ATP1A1: variants seen among roughly 807,000 people sequenced by gnomAD.
The protein encoded by ATP1A1 is ATPase Na+/K+ transporting subunit alpha 1.
ATP1A1 carries 14 observed loss-of-function variants against 114.8 expected under a neutral mutation model. The observed-to-expected ratio is 0.12, with a 90% confidence interval of 0.08 to 0.19. The LOEUF (loss-of-function observed/expected upper bound fraction) is 0.19. Ranked by LOEUF, ATP1A1 falls within the 10% of genes least tolerant of loss-of-function variation. The pLI, the probability that ATP1A1 is intolerant of heterozygous loss-of-function variation, is 1.00. For missense variants in ATP1A1, 524 were observed against 1,290.7 expected (o/e 0.41, Z 9.10); for synonymous variants, 471 against 466.3 (o/e 1.01, Z -0.13).
At chr1:116,377,755 A>G (rs1651466425) in intron 1 of ATP1A1, among the ~76,000 whole-genome samples, 1 of 152,198 alleles carries the variant, frequency 6.6e-6, no homozygotes, top group Non-Finnish European at 1.5e-5. Context: ...AAGAAACCCG[A>G]GTGTCAGATC....
intron 1 of ATP1A1, among the ~76,000 whole-genome samples, chr1:116,379,466 C>T (rs892239998): frequency 6.6e-6 from 1 of 152,184 alleles, no homozygotes; most frequent in Admixed American, 6.5e-5. Context: ...CAACCCCGGC[C>T]ATCCCTTAGC....
In ATP1A1 at chr1:116,395,180, T is replaced by C. The variant is rs1652805583; in HGVS notation, c.1731T>C (p.Asn577=). The C allele has an allele frequency of 6.2e-7, 1 of 1,614,190 alleles. No individual in the cohort carries two copies. ...EGFQFDTDDV[N]FPIDNLCFVG... is the part of the protein sequence containing the mutation. Reference sequence around the variant, plus strand: ...TCCAGTTTGACACTGACGATGTGAATTTCCCTATCGATAATCTGTGCTTTG... The same window carrying C: ...TCCAGTTTGACACTGACGATGTGAACTTCCCTATCGATAATCTGTGCTTTG... Residue 577 remains asparagine, a synonymous_variant, in exon 13 of 23, where the codon AAT becomes AAC. Transcript: ENST00000295598. This position sits in a 1 kb window ranked among gnomAD's most constrained non-coding sequence, Gnocchi z 6.4.
chr1:116,384,739 T>C lies in ATP1A1; in HGVS notation c.124-44T>C, dbSNP rs1188602466. On this transcript the variant is annotated intron_variant, in intron 2 of 22. Coordinates refer to ENST00000295598, the MANE Select transcript of ATP1A1 (RefSeq NM_000701.8). This position sits in a 1 kb window ranked among gnomAD's most constrained non-coding sequence, Gnocchi z 5.1. ...TGCTATTTTTTCTGTCATTTTTTTA[T>C]ACTACACTGTTTAACTATTTTCTTT... 9.9e-6 allele frequency: 15 copies of C among 1,509,458 alleles called. No homozygotes were observed. The highest frequency in any genetic ancestry group is 1.4e-5 in the Non-Finnish European group (15 of 1,101,848). 93.5% of individuals were successfully genotyped at this position (1,509,458 alleles called of 1,614,324 possible). A position where few individuals can be genotyped will look rare whatever the true frequency, so the allele number is the denominator to read the frequency against.
At position 116,399,777 on chromosome 1, in the gene ATP1A1, C is replaced by T. The variant is rs1340537861; in HGVS notation, c.2572+234C>T. Among the ~76,000 whole-genome samples, 6 of 152,186 alleles carry T rather than the reference C, an allele frequency of 3.9e-5. No individual in the cohort carries two copies. The highest frequency in any genetic ancestry group is 7.2e-5 in the African/African-American group (3 of 41,442). On this transcript the variant is annotated intron_variant, in intron 18 of 22. Coordinates refer to ENST00000295598, the MANE Select transcript of ATP1A1 (RefSeq NM_000701.8). The surrounding 1 kb of genome is among the most constrained non-coding windows in gnomAD (Gnocchi z 5.0). ...GGAAACTGGTTTTCTATACTGAGCA[C>T]CTTGGAACTGGGCTCAACTCTGCCT...
At position 116,380,930 on chromosome 1, in the gene ATP1A1, A is replaced by G. The variant is rs559076347; in HGVS notation, c.13-3084A>G. On this transcript the variant is annotated intron_variant, in intron 1 of 22. Transcript: ENST00000295598. The stretch of plus-strand genomic sequence containing the variant: ...CTTCCTAAATTAGAATGGAAGGGGG[A>G]AAAAAAAAAACCATAACCCAACTTC... Among the ~76,000 whole-genome samples, 535 of 142,962 alleles carry G rather than the reference A, an allele frequency of 3.7e-3. 2 individuals carry two copies. Among genetic ancestry groups the G allele is most frequent in the African/African-American group, 0.012 (488 of 39,224 alleles). 93.8% of individuals were successfully genotyped at this position (142,962 alleles called of 152,430 possible).
At chr1:116,373,552 G>C (rs780455493) in intron 1 of ATP1A1, 29 bp downstream of exon 1, 2 of 1,437,086 alleles carry the variant, frequency 1.4e-6, no homozygotes, top group Non-Finnish European at 1.8e-6. Context: ...CGGGGAGGGG[G>C]CTCGGGGAGC....
intron 8 of ATP1A1, 26 bp from the exon 9 acceptor site, chr1:116,390,187 G>A (rs1557785971): frequency 6.2e-6 from 10 of 1,607,806 alleles, no homozygotes; most frequent in Non-Finnish European, 8.5e-6. Flanking sequence ...GTTGAGTGAA[G>A]TAATAATCTT....
Position 116,388,709 on chromosome 1 carries a change from G to A in ATP1A1, c.573G>A (p.Val191=), listed in dbSNP as rs771388181. The A allele has an allele frequency of 4.3e-6, 7 of 1,614,062 alleles. No individual in the cohort carries two copies. The highest frequency in any genetic ancestry group is 3.3e-5 in the Admixed American group (2 of 60,002). Residue 191 remains valine (V), a synonymous_variant, in exon 6 of 23, where the codon GTG becomes GTA. Coordinates refer to ENST00000295598, the MANE Select transcript of ATP1A1 (RefSeq NM_000701.8). This position sits in a 1 kb window ranked among gnomAD's most constrained non-coding sequence, Gnocchi z 5.6. ...AGGAAGTTGTGGTTGGGGATCTGGTGGAAGTAAAAGGAGGAGACCGAATTC... is the reference window on the plus strand; with the variant it reads ...AGGAAGTTGTGGTTGGGGATCTGGTAGAAGTAAAAGGAGGAGACCGAATTC... ...NAEEVVVGDL[V]EVKGGDRIPA...
Position 116,398,772 on chromosome 1 carries a change from T to C in ATP1A1, c.2276T>C (p.Val759Ala). The C allele has an allele frequency of 6.2e-7, 1 of 1,614,162 alleles. No homozygotes were observed. The highest frequency in any genetic ancestry group is 8.5e-7 in the Non-Finnish European group (1 of 1,180,008). ...ILLDDNFASI[V>A]TGVEEGRLIF... ...CTGGATGACAACTTTGCCTCAATTG[T>C]GACTGGAGTAGAGGAAGGTGAGAGC... The change falls in exon 16 of 23, where the codon GTG (valine) becomes GCG (alanine). Residue 759 changes from valine (V) to alanine (A), a missense_variant. Coordinates refer to ENST00000295598, the MANE Select transcript of ATP1A1 (RefSeq NM_000701.8). This position sits in a 1 kb window ranked among gnomAD's most constrained non-coding sequence, Gnocchi z 6.1.
intron 1 of ATP1A1, among the ~76,000 whole-genome samples, chr1:116,376,224 C>A (rs190830205): frequency 6.6e-6 from 1 of 152,138 alleles, no homozygotes; most frequent in Non-Finnish European, 1.5e-5. Context: ...AAAAATAAAT[C>A]ATAGCTTATG....
At position 116,399,116 on chromosome 1, in the gene ATP1A1, A is replaced by AGTGAGGT. The variant is rs1653210001; in HGVS notation, c.2448+38_2448+44dup. ...GTCACAACAGTCACAGATCGATAGT[A>AGTGAGGT]GTGAGGTGTGAGCTGTGTCTTCATT... is the stretch of plus-strand genomic sequence containing the variant. On this transcript the variant is annotated intron_variant, in intron 17 of 22. Coordinates refer to ENST00000295598, the MANE Select transcript of ATP1A1 (RefSeq NM_000701.8). The surrounding 1 kb of genome is among the most constrained non-coding windows in gnomAD (Gnocchi z 5.0). 2 of 1,613,502 alleles carry AGTGAGGT rather than the reference A, an allele frequency of 1.2e-6. No individual in the cohort carries two copies. Among genetic ancestry groups the AGTGAGGT allele is most frequent in the African/African-American group, 1.3e-5 (1 of 74,912 alleles).
chr1:116,403,788 C>T, intron 21 of ATP1A1, 96 bp from the exon 22 acceptor site: 2 of 1,076,902 alleles, frequency 1.9e-6, no homozygotes, highest in Admixed American at 2.1e-5. Flanking sequence ...TCCTTTCAGG[C>T]TGATTATTTC....
Position 116,390,423 on chromosome 1 carries a change from G to T in ATP1A1, c.1222+12G>T, listed in dbSNP as rs1652361958. ...AGAGAATCAGAGTGGTAAGGCCAGG[G>T]TTACCACACACCTCAGCCACCTGCT... On this transcript the variant is annotated intron_variant, in intron 9 of 22. Coordinates refer to ENST00000295598, the MANE Select transcript of ATP1A1 (RefSeq NM_000701.8). 6.2e-7 allele frequency: 1 copy of T among 1,611,182 alleles called. No homozygotes were observed. Among genetic ancestry groups the T allele is most frequent in the African/African-American group, 1.3e-5 (1 of 74,670 alleles).
chr1:116,393,748 G>C lies in ATP1A1; in HGVS notation c.1660+25G>C. ...GGTATGCAGATAACCTGGTAACAGAGTGCCTGGGCACGTTTTTATCCAGTA... is the reference window on the plus strand; with the variant it reads ...GGTATGCAGATAACCTGGTAACAGACTGCCTGGGCACGTTTTTATCCAGTA... On this transcript the variant is annotated intron_variant, in intron 12 of 22. Transcript: ENST00000295598. This position sits in a 1 kb window ranked among gnomAD's most constrained non-coding sequence, Gnocchi z 5.0. The C allele has an allele frequency of 6.2e-7, 1 of 1,602,496 alleles. No individual in the cohort carries two copies. Among genetic ancestry groups the C allele is most frequent in the Non-Finnish European group, 8.5e-7 (1 of 1,174,258 alleles).
Position 116,381,854 on chromosome 1 carries a change from C to A in ATP1A1, c.13-2160C>A, listed in dbSNP as rs1651763207. ...ATATATTTCAATGATATTCAACTTGCTCAGAGAGAATCCGTGAGCTGTATT... is the reference window on the plus strand; with the variant it reads ...ATATATTTCAATGATATTCAACTTGATCAGAGAGAATCCGTGAGCTGTATT... On this transcript the variant is annotated intron_variant, in intron 1 of 22. Coordinates refer to ENST00000295598, the MANE Select transcript of ATP1A1 (RefSeq NM_000701.8). The surrounding 1 kb of genome is among the most constrained non-coding windows in gnomAD (Gnocchi z 5.1). Among the ~76,000 whole-genome samples the A allele has an allele frequency of 1.3e-5, 2 of 152,162 alleles. No individual in the cohort carries two copies. The highest frequency in any genetic ancestry group is 2.1e-4 in the South Asian group (1 of 4,830).
At chr1:116,376,047 G>A (rs907180902) in intron 1 of ATP1A1, among the ~76,000 whole-genome samples, 1 of 151,880 alleles carries the variant, frequency 6.6e-6, no homozygotes, top group Admixed American at 6.6e-5. Flanking sequence ...GGCTTAAACC[G>A]TCAGCTAGGC....
Position 116,384,983 on chromosome 1 carries a change from A to G in ATP1A1, c.183+141A>G. ...TCTGCGTATCTACCATGTGACATGC[A>G]CAGAATTTGGGCATTTATATGCTAC... On this transcript the variant is annotated intron_variant, in intron 3 of 22. Transcript: ENST00000295598. This position sits in a 1 kb window ranked among gnomAD's most constrained non-coding sequence, Gnocchi z 5.1. The G allele has an allele frequency of 1.3e-6, 1 of 797,042 alleles. No individual in the cohort carries two copies. Among genetic ancestry groups the G allele is most frequent in the Non-Finnish European group, 2.1e-6 (1 of 485,242 alleles). The allele number at this position is 797,042 out of a possible 1,614,324, so 49.4% of individuals were successfully genotyped here.
chr1:116,390,901 A>G lies in ATP1A1; in HGVS notation c.1332+10A>G, dbSNP rs1652413820. On this transcript the variant is annotated intron_variant, in intron 10 of 22. Coordinates refer to ENST00000295598, the MANE Select transcript of ATP1A1 (RefSeq NM_000701.8). ...CCTACCTATTCTTAAGGTATGCTCA[A>G]GAGTTAACTAATGGAGGGATGTAGA... The G allele has an allele frequency of 6.2e-7, 1 of 1,603,428 alleles. No individual in the cohort carries two copies. Among genetic ancestry groups the G allele is most frequent in the Non-Finnish European group, 8.5e-7 (1 of 1,170,402 alleles).
chr1:116,374,076 C>T lies in ATP1A1; in HGVS notation c.12+553C>T, dbSNP rs1001442767. The T allele has an allele frequency of 8.5e-6, 12 of 1,416,948 alleles. No homozygotes were observed. In the African/African-American group the frequency reaches 1.5e-4, roughly 17 times the overall value. 87.8% of individuals were successfully genotyped at this position (1,416,948 alleles called of 1,614,324 possible). A position where few individuals can be genotyped will look rare whatever the true frequency, so the allele number is the denominator to read the frequency against. ...GCCCCGGTTCCGGCGGGGGCAGCCT[C>T]CGGGTTCGGGGCTCCTTCTCCTGGG... On this transcript the variant is annotated intron_variant, in intron 1 of 22. Coordinates refer to ENST00000295598, the MANE Select transcript of ATP1A1 (RefSeq NM_000701.8).
Sources: allele counts gnomAD v4.1 joint callset (sites outside exome capture counted in the v4.1 genomes callset), GRCh38; gene constraint gnomAD v4.1.1; non-coding constraint Gnocchi (gnomAD v3.1); transcripts MANE v1.5; gene names NCBI Gene and HGNC (gene_info 2026-07-23, HGNC 2026-07-21).